APCDD1: variants seen among roughly 807,000 people sequenced by gnomAD.
APCDD1 encodes the protein APC down-regulated 1, also known as protein APCDD1.
In APCDD1, 15 loss-of-function variants were observed where a neutral mutation model predicts 38.1. That is an observed-to-expected ratio of 0.39 (90% CI 0.26 to 0.61). APCDD1 has a LOEUF of 0.61. Ranked by LOEUF, APCDD1 falls within the 20% of genes least tolerant of loss-of-function variation. The pLI, the probability that APCDD1 is intolerant of heterozygous loss-of-function variation, is 0.49. For synonymous variants in APCDD1, 261 were observed against 279.7 expected (o/e 0.93, Z 0.67); for missense variants, 647 against 696.2 (o/e 0.93, Z 0.79).
In APCDD1 at chr18:10,471,919, T is replaced by G; in HGVS notation, c.632T>G (p.Leu211Arg). 1 of 1,614,148 alleles carries G rather than the reference T, an allele frequency of 6.2e-7. No homozygotes were observed. The highest frequency in any genetic ancestry group is 8.5e-7 in the Non-Finnish European group (1 of 1,180,032). Residue 211 changes from leucine to arginine, a missense_variant, in exon 3 of 5, where the codon CTC becomes CGC. By Grantham distance (102) the Leu-to-Arg change is moderately radical. Transcript: ENST00000355285. The surrounding 1 kb of genome is among the most constrained non-coding windows in gnomAD (Gnocchi z 5.5). Reference protein sequence around the residue: ...AVNFAMHELQLIRVEKQYLHH... With the variant: ...AVNFAMHELQRIRVEKQYLHH... Reference sequence around the variant, plus strand: ...AACTTTGCCATGCATGAACTTCAGCTCATCCGGGTGGAGAAGCAGTACCTT... The same window carrying G: ...AACTTTGCCATGCATGAACTTCAGCGCATCCGGGTGGAGAAGCAGTACCTT...
At chr18:10,463,936 C>T (rs1317694032) in intron 1 of APCDD1, among the ~76,000 whole-genome samples, 1 of 152,244 alleles carries the variant, frequency 6.6e-6, no homozygotes, top group Admixed American at 6.5e-5. Flanking sequence ...TCTGGCCGCT[C>T]ACATGGGTGC....
At chr18:10,455,434 C>T (rs1333327983) in intron 1 of APCDD1, among the ~76,000 whole-genome samples, 1 of 152,218 alleles carries the variant, frequency 6.6e-6, no homozygotes, top group Non-Finnish European at 1.5e-5. Flanking sequence ...TCCAAAATGC[C>T]AGAATGCAGC....
At chr18:10,463,154 G>C (rs1041268128) in intron 1 of APCDD1, among the ~76,000 whole-genome samples, 3 of 151,772 alleles carry the variant, frequency 2.0e-5, no homozygotes, top group African/African-American at 7.3e-5. Flanking sequence ...CCCCATGCTT[G>C]AGTGTGCTCA....
chr18:10,468,953 T>A (rs1428981969), intron 2 of APCDD1, among the ~76,000 whole-genome samples: 1 of 152,208 alleles, frequency 6.6e-6, no homozygotes, highest in Non-Finnish European at 1.5e-5. Context: ...AAAGAAACCA[T>A]TAGCAAGTGA....
chr18:10,486,948 C>T lies in APCDD1; in HGVS notation c.1097-642C>T, dbSNP rs142192510. ...CTTAATTGAAAGCAAGCAATCTTTA[C>T]TTGACTCCACCCTGAAGCTCATCGT... On this transcript the variant is annotated intron_variant, in intron 4 of 4. Transcript: ENST00000355285. 2.1e-3 allele frequency among the ~76,000 whole-genome samples: 327 copies of T among 152,364 alleles called. 1 individual carries two copies. The highest frequency in any genetic ancestry group is 7.5e-3 in the African/African-American group (313 of 41,592).
Position 10,454,807 on chromosome 18 carries a change from C to T in APCDD1, c.-175C>T. 1.0e-6 allele frequency: 1 copy of T among 982,916 alleles called. No individual in the cohort carries two copies. Among genetic ancestry groups the T allele is most frequent in the Non-Finnish European group, 1.2e-6 (1 of 829,922 alleles). 60.9% of individuals were successfully genotyped at this position (982,916 alleles called of 1,614,324 possible). A position where few individuals can be genotyped will look rare whatever the true frequency, so the allele number is the denominator to read the frequency against. ...CAGCCGCCCGACGGCGCCCAGAGAG[C>T]GCGCGCCCCGCAGCCCCGCGCCTAG... is the stretch of plus-strand genomic sequence containing the variant. On this transcript the variant is annotated 5_prime_UTR_variant, in exon 1 of 5. Coordinates refer to ENST00000355285, the MANE Select transcript of APCDD1 (RefSeq NM_153000.5).
Position 10,488,106 on chromosome 18 carries a change from G to A in APCDD1, c.*68G>A, listed in dbSNP as rs1209344687. ...TATTGACAGATTTGCTTTACCAAAAGAAAAGACATTTATTCTTTTGATGCA... is the reference window on the plus strand; with the variant it reads ...TATTGACAGATTTGCTTTACCAAAAAAAAAGACATTTATTCTTTTGATGCA... On this transcript the variant is annotated 3_prime_UTR_variant, in exon 5 of 5. Coordinates refer to ENST00000355285, the MANE Select transcript of APCDD1 (RefSeq NM_153000.5). 6.3e-7 allele frequency: 1 copy of A among 1,577,928 alleles called. No individual in the cohort carries two copies. Among genetic ancestry groups the A allele is most frequent in the Non-Finnish European group, 8.6e-7 (1 of 1,160,112 alleles).
intron 1 of APCDD1, among the ~76,000 whole-genome samples, chr18:10,456,205 C>T (rs2030377637): frequency 6.6e-6 from 1 of 152,192 alleles, no homozygotes; most frequent in African/African-American, 2.4e-5. Flanking sequence ...CTGGGCCAGA[C>T]CTGTCCAGTT....
rs772140289 is a variant in APCDD1, at chr18:10,485,414, C to T, written c.775-48C>T. The T allele has an allele frequency of 6.2e-7, 1 of 1,604,738 alleles. No homozygotes were observed. The highest frequency in any genetic ancestry group is 1.7e-5 in the Admixed American group (1 of 59,992). On this transcript the variant is annotated intron_variant, in intron 3 of 4. Coordinates refer to ENST00000355285, the MANE Select transcript of APCDD1 (RefSeq NM_153000.5). This position sits in a 1 kb window ranked among gnomAD's most constrained non-coding sequence, Gnocchi z 5.8. ...TTGCCGGAAGCATGTGTGCACTGCTCCCTTGGGAAGATAGAGGCCTCTGAA... is the reference window on the plus strand; with the variant it reads ...TTGCCGGAAGCATGTGTGCACTGCTTCCTTGGGAAGATAGAGGCCTCTGAA...
At chr18:10,457,620 CTT>C (rs1216120740) in intron 1 of APCDD1, among the ~76,000 whole-genome samples, 1 of 152,140 alleles carries the variant, frequency 6.6e-6, no homozygotes, top group African/African-American at 2.4e-5. Context: ...CTGTGATAAA[CTT>C]TAATAAATTT....
chr18:10,462,038 A>C (rs1401278608), intron 1 of APCDD1, among the ~76,000 whole-genome samples: 4 of 152,226 alleles, frequency 2.6e-5, no homozygotes, highest in African/African-American at 9.6e-5. Context: ...ACTTCTAAGA[A>C]CCTGAATCGT....
intron 1 of APCDD1, among the ~76,000 whole-genome samples, chr18:10,462,591 C>CTCCTTCCT (rs565458903): frequency 4.3e-5 from 1 of 23,196 alleles, no homozygotes; most frequent in South Asian, 2.1e-3. Flanking sequence ...CCTTCCCTCC[C>CTCCTTCCT]TCCTTCCTTC....
chr18:10,480,504 A>G, intron 3 of APCDD1, among the ~76,000 whole-genome samples: 1 of 152,216 alleles, frequency 6.6e-6, no homozygotes. Flanking sequence ...CTCCTTATTC[A>G]ACGGTAGCTA....
chr18:10,468,395 G>A, intron 1 of APCDD1, 74 bp from the exon 2 acceptor site: 1 of 1,475,740 alleles, frequency 6.8e-7, no homozygotes, highest in Non-Finnish European at 9.5e-7. Flanking sequence ...GTCTGCTGCA[G>A]AGGTGGTTGT....
In APCDD1 at chr18:10,464,919, G is replaced by A. The variant is rs999731618; in HGVS notation, c.59-3550G>A. On this transcript the variant is annotated intron_variant, in intron 1 of 4. Coordinates refer to ENST00000355285, the MANE Select transcript of APCDD1 (RefSeq NM_153000.5). ...ACTTTACCATGATTTTAACTGTTCT[G>A]TTAGTTAGAGGGGACTTTTTGAGGG... Among the ~76,000 whole-genome samples, 3 of 152,106 alleles carry A rather than the reference G, an allele frequency of 2.0e-5. No individual in the cohort carries two copies. The East Asian group carries it at 5.8e-4, about 29-fold the overall frequency.
rs888286083 is a variant in APCDD1, at chr18:10,476,082, G to A, written c.774+4021G>A. On this transcript the variant is annotated intron_variant, in intron 3 of 4. Coordinates refer to ENST00000355285, the MANE Select transcript of APCDD1 (RefSeq NM_153000.5). This position sits in a 1 kb window ranked among gnomAD's most constrained non-coding sequence, Gnocchi z 5.8. ...GCCAGCGGAGACAGGAAGAAAGGCT[G>A]GGAGAACGTCTTCAAAGACCGTACA... 6.6e-6 allele frequency: 1 copy of A among 152,258 alleles called. No individual in the cohort carries two copies. The highest frequency in any genetic ancestry group is 2.4e-5 in the African/African-American group (1 of 41,456). 9.4% of individuals were successfully genotyped at this position (152,258 alleles called of 1,614,324 possible).
intron 3 of APCDD1, among the ~76,000 whole-genome samples, chr18:10,479,202 A>T (rs2031077634): frequency 1.3e-5 from 2 of 152,206 alleles, no homozygotes; most frequent in South Asian, 4.1e-4. Flanking sequence ...GCCATTGGCC[A>T]CTGCAGGTTT....
In APCDD1 at chr18:10,472,016, G is replaced by A. The variant is rs1389411304; in HGVS notation, c.729G>A (p.Met243Ile). ...GDIHTDATQR[M>I]FYRPSSYQPP... ...TTCACACTGATGCCACCCAGAGGAT[G>A]TTCTACCGGCCCTCCAGTTACCAGC... Residue 243 changes from methionine (M) to isoleucine (I), a missense_variant, in exon 3 of 5, where the codon ATG (methionine) becomes ATA (isoleucine). Coordinates refer to ENST00000355285, the MANE Select transcript of APCDD1 (RefSeq NM_153000.5). The surrounding 1 kb of genome is among the most constrained non-coding windows in gnomAD (Gnocchi z 6.6). The A allele has an allele frequency of 1.8e-5, 29 of 1,613,778 alleles. No individual in the cohort carries two copies. The East Asian group carries it at 6.5e-4, about 36-fold the overall frequency.
In APCDD1 at chr18:10,459,874, C is replaced by T. The variant is rs546656849; in HGVS notation, c.58+4835C>T. ...ACAATTCTAACGAGAACACTTTTCT[C>T]AGTCTGATTATTAAAGTATACAGGG... On this transcript the variant is annotated intron_variant, in intron 1 of 4. Coordinates refer to ENST00000355285, the MANE Select transcript of APCDD1 (RefSeq NM_153000.5). Among the ~76,000 whole-genome samples, 3 of 152,174 alleles carry T rather than the reference C, an allele frequency of 2.0e-5. No individual in the cohort carries two copies. In the South Asian group the frequency reaches 6.2e-4, roughly 32 times the overall value.
Sources: gnomAD v4.1 joint callset for allele counts (sites outside exome capture counted in the v4.1 genomes callset) on GRCh38, gnomAD v4.1.1 for gene constraint, Gnocchi (gnomAD v3.1) non-coding constraint, MANE v1.5 for transcripts, NCBI Gene and HGNC (gene_info 2026-07-23, HGNC 2026-07-21) for gene names.